RAPGEF4: variants seen among roughly 807,000 people sequenced by gnomAD.
The protein encoded by RAPGEF4 is Rap guanine nucleotide exchange factor 4.
A neutral mutation model predicts 147.9 loss-of-function variants in RAPGEF4; 66 were observed. The ratio of observed to expected loss-of-function variants is 0.45; its 90% CI spans 0.37 to 0.55. The LOEUF (loss-of-function observed/expected upper bound fraction) is 0.55. Ranked by LOEUF, RAPGEF4 falls within the 20% of genes least tolerant of loss-of-function variation. The pLI is 0.00. For synonymous variants in RAPGEF4, 419 were observed against 442.7 expected (o/e 0.95, Z 0.67); for missense variants, 1,071 against 1,257.3 (o/e 0.85, Z 2.24).
chr2:172,831,510 C>T (rs920068592), intron 4 of RAPGEF4, among the ~76,000 whole-genome samples: 2 of 151,754 alleles, frequency 1.3e-5, no homozygotes, highest in Admixed American at 1.3e-4. Flanking sequence ...CTCAGGTGAT[C>T]CACCCACCTC....
intron 4 of RAPGEF4, among the ~76,000 whole-genome samples, chr2:172,897,828 A>G (rs1698665743): frequency 6.6e-6 from 1 of 150,760 alleles, no homozygotes; most frequent in South Asian, 2.1e-4. Flanking sequence ...TTTTCACTTC[A>G]TGTCTTAGCT....
chr2:173,048,459 A>AGTTGCCTTCAGATAGTCAACATGTTC, intron 29 of RAPGEF4, 141 bp from the exon 30 acceptor site: 4 of 1,441,350 alleles, frequency 2.8e-6, no homozygotes, highest in Non-Finnish European at 3.6e-6. Context: ...TACATCAGCT[A>AGTTGCCTTCAGATAGTCAACATGTTC]GTTGCCTTCA....
chr2:172,929,222 T>C (rs1005038939), intron 6 of RAPGEF4, among the ~76,000 whole-genome samples: 9 of 152,218 alleles, frequency 5.9e-5, no homozygotes, highest in Non-Finnish European at 1.2e-4. Context: ...TGTTCTCAGA[T>C]TGGATAAACT....
chr2:172,900,039 G>A (rs942819921), intron 4 of RAPGEF4, among the ~76,000 whole-genome samples: 1 of 152,188 alleles, frequency 6.6e-6, no homozygotes, highest in African/African-American at 2.4e-5. Context: ...CCCAGGGATA[G>A]CTCTAGACCT....
chr2:173,006,827 A>C (rs1694525548), intron 17 of RAPGEF4, among the ~76,000 whole-genome samples: 1 of 152,220 alleles, frequency 6.6e-6, no homozygotes, highest in East Asian at 1.9e-4. Context: ...CTTTCAACTT[A>C]AATTTTGTTG....
intron 29 of RAPGEF4, among the ~76,000 whole-genome samples, chr2:173,047,174 A>C (rs1685579860): frequency 6.6e-6 from 1 of 152,214 alleles, no homozygotes; most frequent in Non-Finnish European, 1.5e-5. Context: ...CAGGAGTGCC[A>C]GCTATTGTTC....
intron 1 of RAPGEF4, among the ~76,000 whole-genome samples, chr2:172,758,153 C>T (rs1695954116): frequency 6.6e-6 from 1 of 152,040 alleles, no homozygotes; most frequent in African/African-American, 2.4e-5. Context: ...AGGAGTTTAA[C>T]CAAGCATATG....
intron 4 of RAPGEF4, among the ~76,000 whole-genome samples, chr2:172,870,318 A>C (rs1043226375): frequency 2.0e-5 from 3 of 152,072 alleles, no homozygotes; most frequent in Non-Finnish European, 4.4e-5. Flanking sequence ...ATTCTGTTCT[A>C]TTCTATTCTA....
At chr2:172,994,485 C>T (rs1287411015) in intron 15 of RAPGEF4, among the ~76,000 whole-genome samples, 3 of 152,188 alleles carry the variant, frequency 2.0e-5, no homozygotes, top group African/African-American at 4.8e-5. Flanking sequence ...CCGTCCTGAG[C>T]GGTCTCTCCA....
chr2:172,992,117 A>C (rs540764269), intron 15 of RAPGEF4, among the ~76,000 whole-genome samples: 37 of 152,368 alleles, frequency 2.4e-4, no homozygotes, highest in African/African-American at 7.5e-4. Flanking sequence ...AATATAGTAG[A>C]TAAGACTACA....
chr2:172,768,472 T>C (rs1219667264), intron 1 of RAPGEF4, among the ~76,000 whole-genome samples: 2 of 151,068 alleles, frequency 1.3e-5, no homozygotes, highest in African/African-American at 4.9e-5. Flanking sequence ...TGCACTAGTT[T>C]ATGGGAGCCA....
At chr2:172,913,944 C>T (rs949995415) in intron 4 of RAPGEF4, among the ~76,000 whole-genome samples, 1 of 152,212 alleles carries the variant, frequency 6.6e-6, no homozygotes, top group Non-Finnish European at 1.5e-5. Context: ...TACACATTTA[C>T]AGATCTTTAT....
chr2:172,876,996 T>G (rs1036839959), intron 4 of RAPGEF4, among the ~76,000 whole-genome samples: 3 of 152,036 alleles, frequency 2.0e-5, no homozygotes, highest in African/African-American at 4.8e-5. Context: ...GTCGAGGAAT[T>G]TATCCATTTC....
chr2:172,930,746 C>T (rs971966415), intron 6 of RAPGEF4, among the ~76,000 whole-genome samples: 1 of 152,098 alleles, frequency 6.6e-6, no homozygotes, highest in Non-Finnish European at 1.5e-5. Flanking sequence ...AGCATTCAGC[C>T]CAGTACCTAA....
chr2:172,777,382 T>TTTATGGAGC (rs1361532851), intron 1 of RAPGEF4, among the ~76,000 whole-genome samples: 1 of 152,220 alleles, frequency 6.6e-6, no homozygotes. Context: ...AAACCCTGCT[T>TTTATGGAGC]TTATGGAGCT....
chr2:173,023,614 G>T (rs921754150), intron 23 of RAPGEF4, among the ~76,000 whole-genome samples: 10 of 152,224 alleles, frequency 6.6e-5, no homozygotes, highest in Admixed American at 6.5e-4. Flanking sequence ...TGAAAGAAAA[G>T]TTGAGACTCA....
At chr2:172,903,402 G>C (rs905479288) in intron 4 of RAPGEF4, among the ~76,000 whole-genome samples, 3 of 150,542 alleles carry the variant, frequency 2.0e-5, no homozygotes, top group Non-Finnish European at 4.4e-5. Context: ...GCCGGGCGTG[G>C]TAGCAGTCAC....
intron 1 of RAPGEF4, among the ~76,000 whole-genome samples, chr2:172,778,503 AC>A (rs1684385438): frequency 6.6e-6 from 1 of 152,190 alleles, no homozygotes; most frequent in Non-Finnish European, 1.5e-5. Flanking sequence ...GAGATTAGTG[AC>A]CAAAGGAGTG....
At chr2:172,933,948 C>A (rs1223178288) in intron 6 of RAPGEF4, among the ~76,000 whole-genome samples, 5 of 152,048 alleles carry the variant, frequency 3.3e-5, no homozygotes, top group East Asian at 1.9e-4. Context: ...ATGGCTATGG[C>A]CTGCTTGAAA....
Sources: gnomAD v4.1 joint callset for allele counts (sites outside exome capture counted in the v4.1 genomes callset) on GRCh38, gnomAD v4.1.1 for gene constraint, MANE v1.5 for transcripts, NCBI Gene and HGNC (gene_info 2026-07-23, HGNC 2026-07-21) for gene names.